ATP2A2: variants seen among roughly 807,000 people sequenced by gnomAD.
ATP2A2 encodes sarcoplasmic/endoplasmic reticulum calcium ATPase 2.
In ATP2A2, 14 loss-of-function variants were observed where a neutral mutation model predicts 109.3. The ratio of observed to expected loss-of-function variants is 0.13; its 90% confidence interval spans 0.08 to 0.20. The LOEUF is 0.20. Among genes scored for constraint, ATP2A2 ranks in the 10% least tolerant of loss-of-function variants. ATP2A2 has a pLI of 1.00. For missense variants in ATP2A2, 657 were observed against 1,321.6 expected (o/e 0.50, Z 7.80); for synonymous variants, 506 against 490.9 (o/e 1.03, Z -0.41).
At chr12:110,335,055 CT>C (rs1264080826) in intron 11 of ATP2A2, among the ~76,000 whole-genome samples, 1 of 152,140 alleles carries the variant, frequency 6.6e-6, no homozygotes, top group African/African-American at 2.4e-5. Context: ...CTGTCAGAGT[CT>C]TTGAGACAGG....
At chr12:110,288,653 C>A (rs565442787) in intron 3 of ATP2A2, among the ~76,000 whole-genome samples, 1 of 152,272 alleles carries the variant, frequency 6.6e-6, no homozygotes, top group Admixed American at 6.5e-5. Context: ...GATCTGCCCA[C>A]CTCAGCCTCC....
Position 110,350,515 on chromosome 12 carries a change from C to A in ATP2A2, c.*4045C>A. ...AATCAAAATACTGATTACAGATGTA[C>A]AATTTAGCTTAATCAGAAAGCCTCT... On this transcript the variant is annotated 3_prime_UTR_variant, in exon 20 of 20. Coordinates refer to ENST00000539276, the MANE Select transcript of ATP2A2 (RefSeq NM_170665.4). 1.3e-6 allele frequency: 1 copy of A among 758,420 alleles called. No homozygotes were observed. Among genetic ancestry groups the A allele is most frequent in the Non-Finnish European group, 2.1e-6 (1 of 478,296 alleles). The allele number at this position is 758,420 out of a possible 1,614,324, so 47.0% of individuals were successfully genotyped here.
chr12:110,302,564 TTTAA>T (rs1234870703), intron 5 of ATP2A2, among the ~76,000 whole-genome samples: 1 of 143,002 alleles, frequency 7.0e-6, no homozygotes, highest in Admixed American at 7.4e-5. Context: ...TCTGTTTTTC[TTTAA>T]TTTTTATTTT....
At chr12:110,317,420 G>T (rs1337536087) in intron 5 of ATP2A2, among the ~76,000 whole-genome samples, 4 of 151,830 alleles carry the variant, frequency 2.6e-5, no homozygotes, top group South Asian at 4.2e-4. Flanking sequence ...GTTTGTTTGG[G>T]TTTTTTTTGA....
Position 110,348,310 on chromosome 12 carries a change from T to G in ATP2A2, c.*1840T>G, listed in dbSNP as rs1419945693. ...TTGTCCTTGGTGGCTAAGACTTAGCTCTGCAGGGGATGTTAAAGCACAGTT... is the reference window on the plus strand; with the variant it reads ...TTGTCCTTGGTGGCTAAGACTTAGCGCTGCAGGGGATGTTAAAGCACAGTT... On this transcript the variant is annotated 3_prime_UTR_variant, in exon 20 of 20. Transcript: ENST00000539276. 2 of 984,430 alleles carry G rather than the reference T, an allele frequency of 2.0e-6. No individual in the cohort carries two copies. The highest frequency in any genetic ancestry group is 1.8e-5 in the African/African-American group (1 of 56,900). 61.0% of individuals were successfully genotyped at this position (984,430 alleles called of 1,614,324 possible). A position where few individuals can be genotyped will look rare whatever the true frequency, so the allele number is the denominator to read the frequency against.
At chr12:110,333,090 T>C in intron 9 of ATP2A2, 91 bp from the exon 10 acceptor site, 1 of 1,126,944 alleles carries the variant, frequency 8.9e-7, no homozygotes, top group Non-Finnish European at 1.3e-6. Context: ...AATTCTGTTT[T>C]CATTATTAAA....
intron 4 of ATP2A2, 61 bp from the exon 5 acceptor site, chr12:110,296,538 G>A (rs954940846): frequency 6.3e-7 from 1 of 1,599,760 alleles, no homozygotes; most frequent in African/African-American, 1.3e-5. Flanking sequence ...TTATTCCTTG[G>A]GTTAGAAATA....
intron 1 of ATP2A2, among the ~76,000 whole-genome samples, chr12:110,282,246 G>T (rs1458565459): frequency 6.6e-6 from 1 of 152,224 alleles, no homozygotes; most frequent in African/African-American, 2.4e-5. Context: ...GATTTATGAG[G>T]AGTCGAGGTC....
chr12:110,291,701 T>G (rs1304680546), intron 3 of ATP2A2, among the ~76,000 whole-genome samples: 1 of 146,882 alleles, frequency 6.8e-6, no homozygotes, highest in Non-Finnish European at 1.5e-5. Flanking sequence ...TGCAATGGCA[T>G]GCAGTACACT....
intron 4 of ATP2A2, among the ~76,000 whole-genome samples, chr12:110,295,725 C>T (rs981535922): frequency 6.6e-6 from 1 of 152,104 alleles, no homozygotes; most frequent in African/African-American, 2.4e-5. Flanking sequence ...TCTACAACTT[C>T]CATTCTGAAA....
chr12:110,350,056 C>T lies in ATP2A2; in HGVS notation c.*3586C>T. 7.0e-7 allele frequency: 1 copy of T among 1,426,126 alleles called. No homozygotes were observed. The highest frequency in any genetic ancestry group is 9.1e-7 in the Non-Finnish European group (1 of 1,095,280). 88.3% of individuals were successfully genotyped at this position (1,426,126 alleles called of 1,614,324 possible). A position where few individuals can be genotyped will look rare whatever the true frequency, so the allele number is the denominator to read the frequency against. On this transcript the variant is annotated 3_prime_UTR_variant, in exon 20 of 20. Transcript: ENST00000539276. ...GGGGTTTTCCTCCAGAGCCTTTATT[C>T]TGTAGCCAGACGACACGAGGAGTCT...
chr12:110,307,409 T>C (rs1184719567), intron 5 of ATP2A2, among the ~76,000 whole-genome samples: 1 of 151,768 alleles, frequency 6.6e-6, no homozygotes, highest in Non-Finnish European at 1.5e-5. Flanking sequence ...TTTTTAAATT[T>C]TTTCGTAGAG....
Position 110,293,824 on chromosome 12 carries a change from ATATG to A in ATP2A2, c.324+1702_324+1705del, listed in dbSNP as rs1389653461. ...TTAGAGATTTGTAATTGTGCCATAT[ATATG>A]TGTGTGTGTGTGTGTGTGTGTGTGT... is the stretch of plus-strand genomic sequence containing the variant. On this transcript the variant is annotated intron_variant, in intron 4 of 19. Transcript: ENST00000539276. Among the ~76,000 whole-genome samples, 131 of 126,426 alleles carry A rather than the reference ATATG, an allele frequency of 1.0e-3. 1 individual carries two copies. Among genetic ancestry groups the A allele is most frequent in the Non-Finnish European group, 1.4e-3 (90 of 63,812 alleles). 82.9% of individuals were successfully genotyped at this position (126,426 alleles called of 152,430 possible). A position where few individuals can be genotyped will look rare whatever the true frequency, so the allele number is the denominator to read the frequency against.
At chr12:110,307,222 C>CA (rs1555279254) in intron 5 of ATP2A2, among the ~76,000 whole-genome samples, 167 of 126,714 alleles carry the variant, frequency 1.3e-3, no homozygotes, top group Non-Finnish European at 2.0e-3. Flanking sequence ...GCCCCACCAC[C>CA]TTTTTTTTTT....
chr12:110,345,234 T>G lies in ATP2A2; in HGVS notation c.2608-15T>G. On this transcript the variant is annotated splice_polypyrimidine_tract_variant and intron_variant, in intron 17 of 19. Coordinates refer to ENST00000539276, the MANE Select transcript of ATP2A2 (RefSeq NM_170665.4). ...TATACTGGGCTGATAGGAATTTGAT[T>G]GGATTTTCTTGCAGAGTCATTTCCT... The G allele has an allele frequency of 6.2e-7, 1 of 1,614,106 alleles. No homozygotes were observed. The highest frequency in any genetic ancestry group is 8.5e-7 in the Non-Finnish European group (1 of 1,180,016).
chr12:110,304,686 C>T (rs930588050), intron 5 of ATP2A2, among the ~76,000 whole-genome samples: 3 of 152,068 alleles, frequency 2.0e-5, no homozygotes, highest in African/African-American at 7.2e-5. Flanking sequence ...AAAATTTTTT[C>T]CCCATTCTAT....
intron 3 of ATP2A2, among the ~76,000 whole-genome samples, chr12:110,289,270 T>C (rs1264798279): frequency 2.0e-5 from 3 of 152,192 alleles, no homozygotes; most frequent in African/African-American, 7.2e-5. Flanking sequence ...AGTTGAGCGA[T>C]TTTTCTCCCC....
At chr12:110,323,908 A>G (rs1877501663) in intron 6 of ATP2A2, among the ~76,000 whole-genome samples, 2 of 152,166 alleles carry the variant, frequency 1.3e-5, no homozygotes, top group African/African-American at 4.8e-5. Flanking sequence ...AGAAAAATAG[A>G]CTCCAGTGCT....
At chr12:110,285,619 T>G (rs910320260) in intron 3 of ATP2A2, among the ~76,000 whole-genome samples, 14 of 152,118 alleles carry the variant, frequency 9.2e-5, no homozygotes, top group African/African-American at 2.9e-4. Flanking sequence ...GTTTTCAAAT[T>G]GGGTGGTCCG....
Sources: allele counts gnomAD v4.1 joint callset (sites outside exome capture counted in the v4.1 genomes callset), GRCh38; gene constraint gnomAD v4.1.1; transcripts MANE v1.5; gene names NCBI Gene and HGNC (gene_info 2026-07-23, HGNC 2026-07-21).